Variants in CATSPERT observed in about 807,000 individuals in gnomAD.
CATSPERT encodes catsper channel auxiliary subunit tau.
the CATSPERT span, chr2:201,552,723 C>A: frequency 6.6e-6 from 1 of 152,136 alleles, no homozygotes. Flanking sequence ...CAAGATTTAA[C>A]TCTATTAACA....
the CATSPERT span, among the ~76,000 whole-genome samples, chr2:201,501,721 T>C: frequency 6.6e-6 from 1 of 152,216 alleles, no homozygotes. Context: ...ATATTATTAC[T>C]GATTTTACAG....
the CATSPERT span, among the ~76,000 whole-genome samples, chr2:201,616,439 A>G: frequency 6.6e-6 from 1 of 152,250 alleles, no homozygotes; most frequent in African/African-American, 2.4e-5. Context: ...GCATATAAAC[A>G]GAACCAAAGA....
chr2:201,565,676 C>T, the CATSPERT span: 3 of 1,480,674 alleles, frequency 2.0e-6, no homozygotes, highest in Admixed American at 2.5e-5. Flanking sequence ...ACAAATAACA[C>T]CTAAGATGAA....
At chr2:201,513,102 GAAAAAT>G in the CATSPERT span, among the ~76,000 whole-genome samples, 1 of 149,468 alleles carries the variant, frequency 6.7e-6, no homozygotes, top group African/African-American at 2.4e-5. Context: ...TAAAAAAAAA[GAAAAAT>G]AAAAAAATAA....
chr2:201,492,990 A>G, the CATSPERT span: 1 of 1,536,512 alleles, frequency 6.5e-7, no homozygotes, highest in African/African-American at 1.4e-5. Flanking sequence ...CTGCTTTATC[A>G]AAATCCTCTT....
the CATSPERT span, among the ~76,000 whole-genome samples, chr2:201,551,923 A>AG: frequency 1.3e-5 from 2 of 150,232 alleles, no homozygotes; most frequent in African/African-American, 2.4e-5. Flanking sequence ...AAAAAAAAAA[A>AG]GTGATCTCTC....
At chr2:201,619,044 T>C in the CATSPERT span, 2 of 1,613,964 alleles carry the variant, frequency 1.2e-6, no homozygotes, top group African/African-American at 2.7e-5. Flanking sequence ...TCCTCTGCAA[T>C]AGCGGGGTGG....
the CATSPERT span, among the ~76,000 whole-genome samples, chr2:201,581,512 AT>A: frequency 8.6e-5 from 8 of 93,002 alleles, 1 homozygote; most frequent in Admixed American, 4.7e-4. Context: ...ATATATATAT[AT>A]ATATATATAT....
chr2:201,549,353 CATA>C, the CATSPERT span, among the ~76,000 whole-genome samples: 1 of 151,880 alleles, frequency 6.6e-6, no homozygotes, highest in Non-Finnish European at 1.5e-5. Flanking sequence ...TAATAATTTT[CATA>C]ATCTGAGAAG....
the CATSPERT span, among the ~76,000 whole-genome samples, chr2:201,581,589 TATATACAC>T: frequency 3.4e-5 from 2 of 59,296 alleles, no homozygotes; most frequent in South Asian, 6.0e-4. Flanking sequence ...TATATATATA[TATATACAC>T]ATACATATTC....
the CATSPERT span, among the ~76,000 whole-genome samples, chr2:201,508,814 TC>T: frequency 7.9e-6 from 1 of 126,656 alleles, no homozygotes; most frequent in Non-Finnish European, 1.7e-5. Context: ...TGACGAGATT[TC>T]TTTTTTTTTT....
At chr2:201,536,264 G>C in the CATSPERT span, 1 of 1,612,946 alleles carries the variant, frequency 6.2e-7, no homozygotes, top group Non-Finnish European at 8.5e-7. Flanking sequence ...AATTATCTTG[G>C]TCCGATTGGT....
At chr2:201,500,808 T>C in the CATSPERT span, among the ~76,000 whole-genome samples, 2 of 152,338 alleles carry the variant, frequency 1.3e-5, no homozygotes, top group East Asian at 1.9e-4. Context: ...GATTAACTCA[T>C]GTTAAATCAT....
chr2:201,579,853 CTT>C, the CATSPERT span, among the ~76,000 whole-genome samples: 55 of 134,170 alleles, frequency 4.1e-4, no homozygotes, highest in Non-Finnish European at 3.9e-4. Context: ...CTTTCTTTTT[CTT>C]TTTTTTTTTT....
the CATSPERT span, chr2:201,557,840 A>C: frequency 6.6e-6 from 1 of 152,154 alleles, no homozygotes; most frequent in Non-Finnish European, 1.5e-5. Flanking sequence ...ATTTCTCCAT[A>C]TCTGTACACA....
At chr2:201,567,936 G>A in the CATSPERT span, among the ~76,000 whole-genome samples, 3 of 152,122 alleles carry the variant, frequency 2.0e-5, no homozygotes, top group African/African-American at 7.2e-5. Flanking sequence ...TCTTGTTCTG[G>A]GCCCCACTCA....
chr2:201,603,801 A>C, the CATSPERT span, among the ~76,000 whole-genome samples: 1 of 152,194 alleles, frequency 6.6e-6, no homozygotes, highest in Admixed American at 6.5e-5. Flanking sequence ...CAAAAAATCA[A>C]ATACAAAATA....
At chr2:201,611,481 G>C in the CATSPERT span, among the ~76,000 whole-genome samples, 801 of 152,186 alleles carry the variant, frequency 5.3e-3, 4 homozygotes, top group Middle Eastern at 0.024. Context: ...TAAGAGGAAA[G>C]GTTAGAACAA....
chr2:201,605,155 A>G, the CATSPERT span, among the ~76,000 whole-genome samples: 2 of 152,014 alleles, frequency 1.3e-5, no homozygotes, highest in Admixed American at 1.3e-4. Flanking sequence ...CACTATAGGG[A>G]CAGAAAGCAA....
Sources: gnomAD v4.1 joint callset for allele counts (sites outside exome capture counted in the v4.1 genomes callset) on GRCh38, gnomAD v4.1.1 for gene constraint, MANE v1.5 for transcripts, NCBI Gene and HGNC (gene_info 2026-07-23, HGNC 2026-07-21) for gene names.